Variants in PAK3 observed in about 807,000 individuals in gnomAD.
The protein encoded by PAK3 is p21 (RAC1) activated kinase 3, also known as serine/threonine-protein kinase PAK 3.
Under a neutral mutation model 41.0 loss-of-function variants are expected in PAK3, and 4 were observed. The observed-to-expected ratio is 0.10, with a 90% CI of 0.05 to 0.22. The LOEUF (loss-of-function observed/expected upper bound fraction) is 0.22, where lower values mean the gene tolerates loss of function less well. PAK3 is among the 10% of genes least tolerant of loss of function. The pLI, the probability that PAK3 is intolerant of heterozygous loss-of-function variation, is 1.00. For synonymous variants in PAK3, 146 were observed against 139.6 expected (o/e 1.05, Z -0.32); for missense variants, 205 against 409.9 (o/e 0.50, Z 4.32).
intron 9 of PAK3, 89 bp from the exon 10 acceptor site, chrX:111,163,473 T>C (rs2094215307): frequency 1.5e-6 from 1 of 680,003 alleles, no homozygotes; most frequent in Middle Eastern, 4.3e-4. Context: ...ACCACTTGTC[T>C]TTAAAAATTC....
intron 11 of PAK3, among the ~76,000 whole-genome samples, chrX:111,177,507 T>A (rs1040050135): frequency 1.8e-5 from 2 of 111,384 alleles, no homozygotes; most frequent in African/African-American, 3.3e-5. Context: ...GGCTACCAAA[T>A]CCAGACATTT....
intron 1 of PAK3, among the ~76,000 whole-genome samples, chrX:111,051,823 C>T (rs1432166504): frequency 8.9e-6 from 1 of 112,112 alleles, no homozygotes; most frequent in East Asian, 2.8e-4. Context: ...CAGCCTGTCA[C>T]TAGAGTCTTA....
At chrX:110,956,458 G>T (rs2090861456) in intron 1 of PAK3, among the ~76,000 whole-genome samples, 1 of 111,118 alleles carries the variant, frequency 9.0e-6, no homozygotes, top group African/African-American at 3.3e-5. Context: ...TATTTCTGGT[G>T]CCTGTGATGT....
intron 4 of PAK3, among the ~76,000 whole-genome samples, chrX:111,112,566 T>C (rs2093395208): frequency 1.8e-5 from 2 of 110,515 alleles, no homozygotes; most frequent in Non-Finnish European, 3.8e-5. Flanking sequence ...CCAGGCACCA[T>C]TAGCTACCCT....
At chrX:111,151,707 A>G (rs1405899874) in intron 7 of PAK3, among the ~76,000 whole-genome samples, 2 of 112,181 alleles carry the variant, frequency 1.8e-5, no homozygotes, top group Non-Finnish European at 3.8e-5. Flanking sequence ...TAGGCACAGT[A>G]AGAGATAAAC....
upstream of PAK3, among the ~76,000 whole-genome samples, chrX:111,092,705 C>A (rs1421832788): frequency 8.9e-6 from 1 of 111,955 alleles, no homozygotes; most frequent in Non-Finnish European, 1.9e-5. Context: ...CAACTTTTTA[C>A]ATGGCAATCA....
chrX:110,951,998 T>C (rs1208945277), intron 1 of PAK3, among the ~76,000 whole-genome samples: 1 of 112,431 alleles, frequency 8.9e-6, no homozygotes, highest in Admixed American at 9.4e-5. Context: ...CAGTTTCTAT[T>C]TAACTTGGCT....
At chrX:111,128,800 C>T (rs760790881) in intron 5 of PAK3, among the ~76,000 whole-genome samples, 15 of 111,944 alleles carry the variant, frequency 1.3e-4, no homozygotes, top group African/African-American at 4.2e-4. Context: ...AACTTTTTCA[C>T]ATATTTTTGA....
intron 1 of PAK3, among the ~76,000 whole-genome samples, chrX:111,015,198 T>C (rs1208039070): frequency 9.0e-6 from 1 of 110,805 alleles, no homozygotes; most frequent in African/African-American, 3.3e-5. Flanking sequence ...GTATAGTGAC[T>C]GGCTTCTTTT....
At chrX:111,102,262 C>T (rs2093156354) in intron 3 of PAK3, among the ~76,000 whole-genome samples, 1 of 111,413 alleles carries the variant, frequency 9.0e-6, no homozygotes, top group Non-Finnish European at 1.9e-5. Flanking sequence ...CAGTCTCCTT[C>T]ATGGTTAGAC....
Position 111,170,276 on chromosome X carries a change from A to G in PAK3, c.767-2742A>G, listed in dbSNP as rs765277903. On this transcript the variant is annotated intron_variant, in intron 10 of 17. Coordinates refer to ENST00000372007, the MANE Select transcript of PAK3 (RefSeq NM_002578.5). The stretch of plus-strand genomic sequence containing the variant: ...GATGGATTGGCAGTACTACTGACTG[A>G]TAGTGGAAATACAAAAGAAAAAGTA... Among the ~76,000 whole-genome samples the G allele has an allele frequency of 2.6e-4, 29 of 111,109 alleles. No homozygotes were observed. The East Asian group carries it at 8.0e-3, about 30-fold the overall frequency.
At chrX:111,091,868 C>A, upstream of PAK3, among the ~76,000 whole-genome samples, 1 of 111,885 alleles carries the variant, frequency 8.9e-6, no homozygotes, top group Non-Finnish European at 1.9e-5. Flanking sequence ...CTTTTGTATT[C>A]AAAGAGTGGG....
At chrX:111,054,002 T>C (rs1337970258) in intron 1 of PAK3, among the ~76,000 whole-genome samples, 1 of 112,431 alleles carries the variant, frequency 8.9e-6, no homozygotes, top group East Asian at 2.8e-4. Flanking sequence ...TACTGGCCTT[T>C]GTGGCCTACC....
At chrX:111,169,085 A>G (rs2094301694) in intron 10 of PAK3, 1 of 113,937 alleles carries the variant, frequency 8.8e-6, no homozygotes, top group Non-Finnish European at 1.8e-5. Flanking sequence ...AAGGGAAATA[A>G]CTAATTGTAT....
intron 1 of PAK3, among the ~76,000 whole-genome samples, chrX:111,066,215 G>A (rs1216386290): frequency 9.0e-6 from 1 of 111,656 alleles, no homozygotes; most frequent in Non-Finnish European, 1.9e-5. Context: ...TATTAACACT[G>A]CTTTTACTGC....
At chrX:111,189,802 T>C (rs1437195961) in intron 11 of PAK3, among the ~76,000 whole-genome samples, 1 of 111,761 alleles carries the variant, frequency 8.9e-6, no homozygotes, top group Non-Finnish European at 1.9e-5. Flanking sequence ...ATACACCAAG[T>C]CGAGGTGATC....
chrX:111,095,113 G>A (rs768502915), upstream of PAK3, among the ~76,000 whole-genome samples: 4 of 111,706 alleles, frequency 3.6e-5, no homozygotes, highest in Non-Finnish European at 7.5e-5. Flanking sequence ...ACACAGTGTG[G>A]AGAAAATTGA....
At position 111,225,879 on chromosome X, in the gene PAK3, A is replaced by T. The variant is rs1569478578; in HGVS notation, c.*5432A>T. 8.9e-6 allele frequency: 1 copy of T among 111,898 alleles called. No individual in the cohort carries two copies. The highest frequency in any genetic ancestry group is 1.9e-5 in the Non-Finnish European group (1 of 53,279). 9.2% of individuals were successfully genotyped at this position (111,898 alleles called of 1,213,427 possible). On this transcript the variant is annotated 3_prime_UTR_variant, in exon 18 of 18. Coordinates refer to ENST00000372007, the MANE Select transcript of PAK3 (RefSeq NM_002578.5). ...AAAAGAACTATGTAAGATGATTTTT[A>T]AAATTCAAGCAAATGGGCCGGGTGC...
At chrX:111,157,200 A>G (rs1379577229) in intron 8 of PAK3, among the ~76,000 whole-genome samples, 3 of 111,991 alleles carry the variant, frequency 2.7e-5, no homozygotes. Context: ...CCTAAAATCT[A>G]CATTTTAAAC....
Sources: allele counts gnomAD v4.1 joint callset (sites outside exome capture counted in the v4.1 genomes callset), GRCh38; gene constraint gnomAD v4.1.1; transcripts MANE v1.5; gene names NCBI Gene and HGNC (gene_info 2026-07-23, HGNC 2026-07-21).